ELMO1: variants seen among roughly 807,000 people sequenced by gnomAD.
ELMO1 encodes engulfment and cell motility protein 1.
A neutral mutation model predicts 98.9 loss-of-function variants in ELMO1; 26 were observed. That is an observed-to-expected ratio of 0.26 (90% CI 0.19 to 0.36). The LOEUF (loss-of-function observed/expected upper bound fraction) is 0.36. Ranked by LOEUF, ELMO1 falls within the 10% of genes least tolerant of loss-of-function variation. The pLI is 1.00. For missense variants in ELMO1, 627 were observed against 935.2 expected (o/e 0.67, Z 4.30); for synonymous variants, 346 against 346.0 (o/e 1.00, Z 0.00).
rs970443834 is a variant in ELMO1, at chr7:36,921,187, T to C, written c.1438-26170A>G. 7.2e-5 allele frequency among the ~76,000 whole-genome samples: 11 copies of C among 152,264 alleles called. No homozygotes were observed. The South Asian group carries it at 1.2e-3, about 17-fold the overall frequency. ...AACTGTGAGCAACAAATTTTTGTTA[T>C]TTACAAATTACCCCGTCTAAGGTAC... On this transcript the variant is annotated intron_variant, in intron 16 of 21. Coordinates refer to ENST00000310758, the MANE Select transcript of ELMO1 (RefSeq NM_014800.11).
At chr7:37,237,919 C>T (rs1377242029) in intron 7 of ELMO1, among the ~76,000 whole-genome samples, 3 of 152,270 alleles carry the variant, frequency 2.0e-5, no homozygotes, top group South Asian at 2.1e-4. Flanking sequence ...CCCCCTTATA[C>T]CAATATCAGA....
At chr7:36,912,231 C>A (rs1784391427) in intron 16 of ELMO1, among the ~76,000 whole-genome samples, 1 of 152,140 alleles carries the variant, frequency 6.6e-6, no homozygotes, top group Non-Finnish European at 1.5e-5. Flanking sequence ...CATAGATGTA[C>A]TGGAGCTGTA....
intron 13 of ELMO1, among the ~76,000 whole-genome samples, chr7:37,192,293 G>A (rs1298535813): frequency 2.0e-5 from 3 of 151,242 alleles, no homozygotes; most frequent in African/African-American, 4.9e-5. Context: ...TCAAGAGATC[G>A]AGACCATCTT....
intron 7 of ELMO1, among the ~76,000 whole-genome samples, chr7:37,243,027 A>G (rs1484745722): frequency 6.6e-6 from 1 of 152,148 alleles, no homozygotes; most frequent in Non-Finnish European, 1.5e-5. Flanking sequence ...TGTTTTGTTT[A>G]TAATATTTTG....
rs370280729 is a variant in ELMO1 at position 37,315,774 on chromosome 7, G to GA, written c.119+145dup. The GA allele has an allele frequency of 4.4e-4, 329 of 742,122 alleles. 3 individuals carry two copies. In the African/African-American group the frequency reaches 5.5e-3, roughly 12 times the overall value. The allele number at this position is 742,122 out of a possible 1,614,324, so 46.0% of individuals were successfully genotyped here. A position where few individuals can be genotyped will look rare whatever the true frequency, so the allele number is the denominator to read the frequency against. The stretch of plus-strand genomic sequence containing the variant: ...GGTGAATTCTGTTGGAAAAGGGTGT[G>GA]ATATTCCTACACAGTAATTCTTATT... On this transcript the variant is annotated intron_variant, in intron 3 of 21. Coordinates refer to ENST00000310758, the MANE Select transcript of ELMO1 (RefSeq NM_014800.11).
At chr7:37,123,011 T>C (rs990069444) in intron 14 of ELMO1, among the ~76,000 whole-genome samples, 20 of 152,120 alleles carry the variant, frequency 1.3e-4, no homozygotes, top group Non-Finnish European at 2.6e-4. Flanking sequence ...ACATGGAAAC[T>C]GAACAACCTG....
intron 14 of ELMO1, among the ~76,000 whole-genome samples, chr7:37,101,564 T>C (rs1210334839): frequency 6.6e-6 from 1 of 151,976 alleles, no homozygotes; most frequent in East Asian, 1.9e-4. Context: ...ATAGAAGCAG[T>C]TACAAAAAAT....
chr7:37,432,014 TGGGATTACA>T (rs2131564486), intron 1 of ELMO1, among the ~76,000 whole-genome samples: 1 of 152,278 alleles, frequency 6.6e-6, no homozygotes, highest in South Asian at 2.1e-4. Flanking sequence ...CCCGAGTATC[TGGGATTACA>T]GGCATATGCC....
chr7:37,070,561 T>C lies in ELMO1; in HGVS notation c.1300+26058A>G, dbSNP rs923109105. On this transcript the variant is annotated intron_variant, in intron 15 of 21. Coordinates refer to ENST00000310758, the MANE Select transcript of ELMO1 (RefSeq NM_014800.11). ...ATCAGTCTGGGATAACAGCTGTAAA[T>C]TGGAAACCAAGATCAGCAAATACAC... 5.9e-5 allele frequency among the ~76,000 whole-genome samples: 9 copies of C among 152,326 alleles called. No individual in the cohort carries two copies. In the East Asian group the frequency reaches 1.5e-3, roughly 26 times the overall value.
chr7:36,876,998 C>T (rs1307436815), intron 19 of ELMO1, among the ~76,000 whole-genome samples: 2 of 152,198 alleles, frequency 1.3e-5, no homozygotes, highest in African/African-American at 4.8e-5. Context: ...AGGCTATCTG[C>T]CTGAGATGTC....
chr7:37,060,279 A>G (rs1213644031), intron 15 of ELMO1, among the ~76,000 whole-genome samples: 1 of 152,218 alleles, frequency 6.6e-6, no homozygotes, highest in Non-Finnish European at 1.5e-5. Flanking sequence ...GGTGTACGGA[A>G]TTTTAAACGA....
chr7:36,982,196 T>C (rs1191374102), intron 16 of ELMO1, among the ~76,000 whole-genome samples: 1 of 152,244 alleles, frequency 6.6e-6, no homozygotes. Context: ...GAATCTACTT[T>C]TTTAACTATG....
At chr7:37,305,239 T>C (rs958723701) in intron 4 of ELMO1, among the ~76,000 whole-genome samples, 9 of 152,222 alleles carry the variant, frequency 5.9e-5, no homozygotes, top group Non-Finnish European at 2.9e-5. Flanking sequence ...TTTGAGTACA[T>C]TATCTCTCAC....
intron 15 of ELMO1, among the ~76,000 whole-genome samples, chr7:37,038,061 C>T (rs550969244): frequency 6.6e-6 from 1 of 152,212 alleles, no homozygotes; most frequent in East Asian, 1.9e-4. Flanking sequence ...AAGATATATT[C>T]CTTAGCTGTC....
At chr7:37,188,498 A>ATAAT (rs71002402) in intron 13 of ELMO1, among the ~76,000 whole-genome samples, 1,766 of 42,468 alleles carry the variant, frequency 0.042, 125 homozygotes, top group East Asian at 0.35. Context: ...AAAAAAAAAA[A>ATAAT]AAAAATAATA....
At chr7:37,017,651 A>C (rs1285303188) in intron 15 of ELMO1, among the ~76,000 whole-genome samples, 1 of 152,212 alleles carries the variant, frequency 6.6e-6, no homozygotes, top group Non-Finnish European at 1.5e-5. Flanking sequence ...CCATTTTGTC[A>C]GCATAAAAAT....
rs528692027 is a variant in ELMO1, at chr7:37,216,791, C to G, written c.781-96G>C. The G allele has an allele frequency of 1.7e-5, 21 of 1,204,940 alleles. No individual in the cohort carries two copies. In the East Asian group the frequency reaches 4.7e-4, roughly 27 times the overall value. 74.6% of individuals were successfully genotyped at this position (1,204,940 alleles called of 1,614,324 possible). A position where few individuals can be genotyped will look rare whatever the true frequency, so the allele number is the denominator to read the frequency against. ...CCTTATCCTGGGGTGTGCTTCGTAACTGTATATCAGCAGTATTTCTTATGA... is the reference window on the plus strand; with the variant it reads ...CCTTATCCTGGGGTGTGCTTCGTAAGTGTATATCAGCAGTATTTCTTATGA... On this transcript the variant is annotated intron_variant, in intron 10 of 21. Coordinates refer to ENST00000310758, the MANE Select transcript of ELMO1 (RefSeq NM_014800.11).
chr7:37,387,453 C>T (rs1180001479), intron 1 of ELMO1, among the ~76,000 whole-genome samples: 3 of 152,164 alleles, frequency 2.0e-5, no homozygotes, highest in Non-Finnish European at 4.4e-5. Flanking sequence ...TAAATGTCCC[C>T]TTTTTATAAG....
At chr7:37,020,840 C>T (rs888950884) in intron 15 of ELMO1, among the ~76,000 whole-genome samples, 7 of 152,136 alleles carry the variant, frequency 4.6e-5, no homozygotes, top group African/African-American at 1.7e-4. Context: ...TTATGAATTA[C>T]AGGAAAAATG....
Sources: allele counts gnomAD v4.1 joint callset (sites outside exome capture counted in the v4.1 genomes callset), GRCh38; gene constraint gnomAD v4.1.1; transcripts MANE v1.5; gene names NCBI Gene and HGNC (gene_info 2026-07-23, HGNC 2026-07-21).